The following POPDC1 variants were observed in gnomAD, a reference collection of about 807,000 sequenced individuals.
POPDC1 encodes popeye domain cAMP effector 1.
At chr6:105,125,463 T>C in the POPDC1 span, 1 of 1,614,210 alleles carries the variant, frequency 6.2e-7, no homozygotes, top group Non-Finnish European at 8.5e-7. Context: ...TTGGCCCTTT[T>C]TCAAGGTTTG....
the POPDC1 span, among the ~76,000 whole-genome samples, chr6:105,119,270 C>A: frequency 6.6e-6 from 1 of 151,564 alleles, no homozygotes; most frequent in East Asian, 1.9e-4. Flanking sequence ...TCAAAATCTA[C>A]CCAATACACC....
the POPDC1 span, chr6:105,115,690 A>C: frequency 6.2e-7 from 1 of 1,614,084 alleles, no homozygotes; most frequent in South Asian, 1.1e-5. Context: ...ACTTACGAAG[A>C]GAGGACATGC....
At chr6:105,115,824 C>T in the POPDC1 span, 1 of 1,612,842 alleles carries the variant, frequency 6.2e-7, no homozygotes, top group South Asian at 1.1e-5. Flanking sequence ...AGCTTTTTGG[C>T]TTTCTACAAA....
the POPDC1 span, chr6:105,116,641 A>G: frequency 1.5e-6 from 2 of 1,343,638 alleles, no homozygotes; most frequent in Admixed American, 2.5e-5. Flanking sequence ...CATATTTCAT[A>G]AAGTGAAATA....
the POPDC1 span, chr6:105,133,371 A>T: frequency 6.2e-7 from 1 of 1,612,962 alleles, no homozygotes; most frequent in African/African-American, 1.3e-5. Context: ...ACATTCCCCT[A>T]AGAAATATCA....
the POPDC1 span, among the ~76,000 whole-genome samples, chr6:105,130,547 G>C: frequency 6.6e-6 from 1 of 152,120 alleles, no homozygotes; most frequent in South Asian, 2.1e-4. Flanking sequence ...ATATCAAGTT[G>C]TCAGTATAGT....
chr6:105,127,884 T>C, the POPDC1 span, among the ~76,000 whole-genome samples: 1 of 152,028 alleles, frequency 6.6e-6, no homozygotes, highest in Non-Finnish European at 1.5e-5. Context: ...CCTCAGCCTC[T>C]GAGTAGCTGG....
chr6:105,110,399 T>C, the POPDC1 span, among the ~76,000 whole-genome samples: 2 of 152,204 alleles, frequency 1.3e-5, no homozygotes, highest in African/African-American at 4.8e-5. Flanking sequence ...ATCACACATC[T>C]TTCTACCTCT....
At chr6:105,122,991 G>A in the POPDC1 span, among the ~76,000 whole-genome samples, 1 of 152,118 alleles carries the variant, frequency 6.6e-6, no homozygotes, top group African/African-American at 2.4e-5. Context: ...GCGGGAGCAG[G>A]GCAGGATTGA....
At chr6:105,112,819 A>C in the POPDC1 span, among the ~76,000 whole-genome samples, 1 of 152,198 alleles carries the variant, frequency 6.6e-6, no homozygotes, top group Non-Finnish European at 1.5e-5. Context: ...CTGTCGGTTC[A>C]AATGCAAGAA....
At chr6:105,125,471 T>A in the POPDC1 span, 1 of 1,614,184 alleles carries the variant, frequency 6.2e-7, no homozygotes, top group Non-Finnish European at 8.5e-7. Context: ...TTTTCAAGGT[T>A]TGGATCATGC....
chr6:105,112,913 C>A, the POPDC1 span, among the ~76,000 whole-genome samples: 10 of 146,274 alleles, frequency 6.8e-5, no homozygotes, highest in African/African-American at 2.5e-4. Context: ...ATCTGGTCTA[C>A]AAGCATGAGC....
the POPDC1 span, chr6:105,097,484 G>C: frequency 6.6e-6 from 1 of 152,332 alleles, no homozygotes; most frequent in Non-Finnish European, 1.5e-5. Flanking sequence ...TGCATGCCAG[G>C]TGCTTGGCTT....
chr6:105,106,885 C>T, the POPDC1 span, among the ~76,000 whole-genome samples: 511 of 152,210 alleles, frequency 3.4e-3, 6 homozygotes, highest in African/African-American at 0.012. Context: ...AGGAATGCAA[C>T]GTGAAATGAT....
At chr6:105,135,512 A>G in the POPDC1 span, among the ~76,000 whole-genome samples, 130,508 of 152,112 alleles carry the variant, frequency 0.86, 57,555 homozygotes, top group Non-Finnish European at 0.96. Context: ...AGTTCACCCA[A>G]TTTCACCTGT....
the POPDC1 span, among the ~76,000 whole-genome samples, chr6:105,130,107 TCTA>T: frequency 0.034 from 5,125 of 152,222 alleles, 95 homozygotes; most frequent in African/African-American, 0.047. Flanking sequence ...AATCCATAAT[TCTA>T]CTACTTTAAG....
chr6:105,099,933 G>A, the POPDC1 span: 11 of 152,320 alleles, frequency 7.2e-5, no homozygotes, highest in East Asian at 2.1e-3. Flanking sequence ...ACACCAGAGT[G>A]TGCACAACAT....
At chr6:105,114,103 C>A in the POPDC1 span, among the ~76,000 whole-genome samples, 2 of 152,104 alleles carry the variant, frequency 1.3e-5, no homozygotes, top group Non-Finnish European at 2.9e-5. Flanking sequence ...TCTGTACAAG[C>A]CTTTATTAAA....
the POPDC1 span, among the ~76,000 whole-genome samples, chr6:105,102,094 C>T: frequency 3.3e-5 from 5 of 152,312 alleles, no homozygotes; most frequent in South Asian, 1.0e-3. Context: ...CGGGTTTCCA[C>T]CTGCTCTGCC....
Sources: gnomAD v4.1 joint callset for allele counts (sites outside exome capture counted in the v4.1 genomes callset) on GRCh38, gnomAD v4.1.1 for gene constraint, MANE v1.5 for transcripts, NCBI Gene and HGNC (gene_info 2026-07-23, HGNC 2026-07-21) for gene names.